FBN2: variants seen among roughly 807,000 people sequenced by gnomAD.
FBN2 encodes fibrillin 2.
In FBN2, 105 loss-of-function variants were observed where a neutral mutation model predicts 355.6. The observed-to-expected ratio is 0.30, with a 90% CI of 0.25 to 0.35. The LOEUF is 0.35. Among genes scored for constraint, FBN2 ranks in the 10% least tolerant of loss-of-function variants. FBN2 has a pLI of 1.00. For synonymous variants in FBN2, 1,350 were observed against 1,301.2 expected (o/e 1.04, Z -0.81); for missense variants, 3,280 against 3,758.7 (o/e 0.87, Z 3.33).
chr5:128,414,531 G>A (rs1156789448), intron 7 of FBN2, among the ~76,000 whole-genome samples: 5 of 152,078 alleles, frequency 3.3e-5, no homozygotes, highest in Admixed American at 3.3e-4. Flanking sequence ...ATCAGTCAAT[G>A]AATACTTGGG....
At chr5:128,470,650 G>A (rs1182838250) in intron 5 of FBN2, among the ~76,000 whole-genome samples, 1 of 152,116 alleles carries the variant, frequency 6.6e-6, no homozygotes, top group Non-Finnish European at 1.5e-5. Context: ...AAGACGGGAA[G>A]TAAGAAAAGG....
At chr5:128,278,863 A>G in intron 56 of FBN2, 22 bp from the exon 57 acceptor site, 2 of 1,592,868 alleles carry the variant, frequency 1.3e-6, no homozygotes, top group Non-Finnish European at 1.7e-6. Flanking sequence ...AAGTAGAAAG[A>G]GTTAAGGATG....
At chr5:128,467,442 A>C (rs958328922) in intron 5 of FBN2, among the ~76,000 whole-genome samples, 1 of 152,166 alleles carries the variant, frequency 6.6e-6, no homozygotes. Context: ...AAGAATTACT[A>C]CCATGTAAAA....
chr5:128,449,175 G>A (rs1754154325), intron 6 of FBN2, among the ~76,000 whole-genome samples: 1 of 150,590 alleles, frequency 6.6e-6, no homozygotes, highest in Admixed American at 6.6e-5. Context: ...AACGTATTTT[G>A]GATGTTATAA....
At chr5:128,483,141 T>C (rs1229953134) in intron 5 of FBN2, among the ~76,000 whole-genome samples, 4 of 151,962 alleles carry the variant, frequency 2.6e-5, no homozygotes, top group Non-Finnish European at 4.4e-5. Flanking sequence ...ATGGGAACAA[T>C]AGACACCAGG....
In FBN2 at chr5:128,338,267, C is replaced by T. The variant is rs561790792; in HGVS notation, c.3473-145G>A. On this transcript the variant is annotated intron_variant, in intron 26 of 64. Transcript: ENST00000262464. ...TCATAGGAGATGGGATAACGCTTTC[C>T]TCACTTTTCCTACGACCAACAGAAA... 4.7e-6 allele frequency: 4 copies of T among 843,686 alleles called. 1 individual carries two copies. The highest frequency in any genetic ancestry group is 4.4e-5 in the South Asian group (3 of 67,854). The allele number at this position is 843,686 out of a possible 1,614,324, so 52.3% of individuals were successfully genotyped here. A position where few individuals can be genotyped will look rare whatever the true frequency, so the allele number is the denominator to read the frequency against.
intron 19 of FBN2, among the ~76,000 whole-genome samples, chr5:128,359,797 T>TA (rs1039399319): frequency 3.3e-5 from 5 of 152,088 alleles, no homozygotes; most frequent in Non-Finnish European, 7.4e-5. Context: ...CACCAGCTCC[T>TA]ACTCTTAACT....
intron 35 of FBN2, 22 bp from the exon 36 acceptor site, chr5:128,318,293 C>A (rs1413426688): frequency 1.1e-5 from 17 of 1,613,540 alleles, no homozygotes; most frequent in African/African-American, 1.3e-5. Flanking sequence ...ATTTAAAATG[C>A]CCAGGTTACC....
intron 42 of FBN2, among the ~76,000 whole-genome samples, chr5:128,306,444 A>T (rs1038570731): frequency 2.0e-5 from 3 of 152,080 alleles, no homozygotes; most frequent in Non-Finnish European, 4.4e-5. Flanking sequence ...ACATGGTGAA[A>T]CTTCCATCTC....
At chr5:128,315,244 A>T (rs1750171496) in intron 36 of FBN2, among the ~76,000 whole-genome samples, 1 of 152,236 alleles carries the variant, frequency 6.6e-6, no homozygotes, top group Non-Finnish European at 1.5e-5. Flanking sequence ...TAGCAATATT[A>T]ATAACAATTT....
chr5:128,530,835 A>G (rs1346460630), intron 2 of FBN2, 142 bp from the exon 3 acceptor site: 5 of 651,764 alleles, frequency 7.7e-6, no homozygotes, highest in Non-Finnish European at 1.4e-5. Flanking sequence ...TCAGATATGC[A>G]ATAAAATTAC....
rs2126790941 is a variant in FBN2 at position 128,258,823 on chromosome 5, TTAAA to T, written c.*628_*631del. On this transcript the variant is annotated 3_prime_UTR_variant, in exon 65 of 65. Coordinates refer to ENST00000262464, the MANE Select transcript of FBN2 (RefSeq NM_001999.4). ...AAGGATCTAATGACATTCATGTTTTTTAAATTATTGATTACACTGCCCATTCAGC... is the reference window on the plus strand; with the variant it reads ...AAGGATCTAATGACATTCATGTTTTTTTATTGATTACACTGCCCATTCAGC... 1 of 153,362 alleles carries T rather than the reference TTAAA, an allele frequency of 6.5e-6. No individual in the cohort carries two copies. Among genetic ancestry groups the T allele is most frequent in the East Asian group, 1.9e-4 (1 of 5,200 alleles). 9.5% of individuals were successfully genotyped at this position (153,362 alleles called of 1,614,324 possible). A position where few individuals can be genotyped will look rare whatever the true frequency, so the allele number is the denominator to read the frequency against.
At chr5:128,479,968 C>CTT (rs1755119604) in intron 5 of FBN2, among the ~76,000 whole-genome samples, 4 of 29,236 alleles carry the variant, frequency 1.4e-4, no homozygotes, top group Non-Finnish European at 2.3e-4. Flanking sequence ...CTCTCTCTCT[C>CTT]TCTCTCTCTA....
rs755284356 is a variant in FBN2, at chr5:128,482,386, T to C, written c.629-17465A>G. 5.3e-5 allele frequency among the ~76,000 whole-genome samples: 8 copies of C among 152,298 alleles called. No individual in the cohort carries two copies. In the South Asian group the frequency reaches 1.5e-3, roughly 28 times the overall value. Reference sequence around the variant, plus strand: ...CTGGCAACTTCCCCTCACTCTCACCTATTCTCTAAGCTTGTTTCTCCAGAC... The same window carrying C: ...CTGGCAACTTCCCCTCACTCTCACCCATTCTCTAAGCTTGTTTCTCCAGAC... On this transcript the variant is annotated intron_variant, in intron 5 of 64. Transcript: ENST00000262464.
chr5:128,317,631 TG>T (rs1396243372), intron 36 of FBN2, among the ~76,000 whole-genome samples: 1 of 152,080 alleles, frequency 6.6e-6, no homozygotes, highest in Non-Finnish European at 1.5e-5. Context: ...GCTGGACAAT[TG>T]TTTTTTTAAG....
intron 17 of FBN2, 81 bp downstream of exon 17, chr5:128,366,296 A>T: frequency 1.5e-6 from 1 of 679,514 alleles, no homozygotes; most frequent in Non-Finnish European, 2.5e-6. Context: ...CATATTAAAT[A>T]TACTCATATT....
intron 5 of FBN2, among the ~76,000 whole-genome samples, chr5:128,492,853 C>T (rs1755549783): frequency 7.0e-6 from 1 of 143,172 alleles, no homozygotes; most frequent in Non-Finnish European, 1.5e-5. Flanking sequence ...TACCTATTGG[C>T]ATATGGGGGA....
chr5:128,528,008 T>C (rs1453246628), intron 3 of FBN2, 41 bp from the exon 4 acceptor site: 1 of 1,314,160 alleles, frequency 7.6e-7, no homozygotes, highest in Admixed American at 1.7e-5. Context: ...ACATCAGTCA[T>C]CAAAATTATA....
intron 36 of FBN2, 86 bp from the exon 37 acceptor site, chr5:128,312,881 T>C: frequency 6.8e-7 from 1 of 1,460,746 alleles, no homozygotes; most frequent in Non-Finnish European, 9.5e-7. Flanking sequence ...AAGGATGAAA[T>C]TCAAATTTTG....
Sources: gnomAD v4.1 joint callset for allele counts (sites outside exome capture counted in the v4.1 genomes callset) on GRCh38, gnomAD v4.1.1 for gene constraint, MANE v1.5 for transcripts, NCBI Gene and HGNC (gene_info 2026-07-23, HGNC 2026-07-21) for gene names.